CTCF: variants seen among roughly 807,000 people sequenced by gnomAD.
CTCF encodes transcriptional repressor CTCF.
CTCF carries 7 observed loss-of-function variants against 72.3 expected under a neutral mutation model. That is an observed-to-expected ratio of 0.10 (90% confidence interval 0.06 to 0.18). The LOEUF is 0.18. CTCF is among the 10% of genes least tolerant of loss of function. CTCF has a pLI of 1.00. For synonymous variants in CTCF, 374 were observed against 315.8 expected (o/e 1.18, Z -1.95); for missense variants, 516 against 949.1 (o/e 0.54, Z 6.00).
intron 2 of CTCF, among the ~76,000 whole-genome samples, chr16:67,589,792 A>G (rs1208006241): frequency 6.6e-6 from 1 of 152,112 alleles, no homozygotes; most frequent in Admixed American, 6.6e-5. Context: ...TTCTTCCATT[A>G]ACTTGAAAAA....
At chr16:67,626,327 C>T (rs1334519070) in intron 7 of CTCF, among the ~76,000 whole-genome samples, 2 of 151,682 alleles carry the variant, frequency 1.3e-5, no homozygotes, top group Non-Finnish European at 2.9e-5. Context: ...GTGGCGGGCG[C>T]CTGTAGTCCC....
At chr16:67,624,103 G>GTGTGTGTGTGTGTGTGTGTGTGTGTT (rs1567614031) in intron 7 of CTCF, among the ~76,000 whole-genome samples, 1 of 133,188 alleles carries the variant, frequency 7.5e-6, no homozygotes, top group African/African-American at 3.1e-5. Flanking sequence ...GTGTGTGTGT[G>GTGTGTGTGTGTGTGTGTGTGTGTGTT]TGTGTGTGTG....
intron 7 of CTCF, 100 bp downstream of exon 7, chr16:67,621,691 C>CAAA: frequency 2.5e-6 from 2 of 789,020 alleles, no homozygotes; most frequent in South Asian, 1.9e-5. Context: ...ACTCTCATAA[C>CAAA]ATTTTATGTA....
chr16:67,575,046 C>T (rs1017934800), intron 2 of CTCF, among the ~76,000 whole-genome samples: 2 of 152,162 alleles, frequency 1.3e-5, no homozygotes, highest in Admixed American at 1.3e-4. Flanking sequence ...TTAAGAATTA[C>T]ATTTTTTCCA....
chr16:67,634,627 C>T (rs2052406409), intron 10 of CTCF, among the ~76,000 whole-genome samples: 1 of 151,014 alleles, frequency 6.6e-6, no homozygotes, highest in African/African-American at 2.4e-5. Context: ...AAGCAGGCCT[C>T]TTGCCTCCGT....
chr16:67,569,268 C>T (rs562156574), intron 1 of CTCF, among the ~76,000 whole-genome samples: 1 of 152,116 alleles, frequency 6.6e-6, no homozygotes, highest in Non-Finnish European at 1.5e-5. Flanking sequence ...CTCATTGCAG[C>T]TCCGCCTCCT....
At chr16:67,612,238 G>T in intron 4 of CTCF, 117 bp downstream of exon 4, 1 of 874,988 alleles carries the variant, frequency 1.1e-6, no homozygotes. Context: ...TTCTTATGAT[G>T]CCCTTTTTGT....
At chr16:67,569,561 C>A (rs989779157) in intron 1 of CTCF, among the ~76,000 whole-genome samples, 1 of 152,016 alleles carries the variant, frequency 6.6e-6, no homozygotes, top group African/African-American at 2.4e-5. Flanking sequence ...CTTGACAGTT[C>A]ATTTTGTAAT....
In CTCF at chr16:67,589,556, C is replaced by T. The variant is rs376137049; in HGVS notation, c.-10+18292C>T. ...GCCAGGGTGGTAGGAAGTATGTTAA[C>T]CGTTGTTACAGTACTCATCACACTA... On this transcript the variant is annotated intron_variant, in intron 2 of 11. Coordinates refer to ENST00000264010, the MANE Select transcript of CTCF (RefSeq NM_006565.4). 2.6e-5 allele frequency among the ~76,000 whole-genome samples: 4 copies of T among 152,218 alleles called. No homozygotes were observed. In the South Asian group the frequency reaches 8.3e-4, roughly 32 times the overall value.
At chr16:67,570,257 A>G (rs998340795) in intron 1 of CTCF, among the ~76,000 whole-genome samples, 2 of 149,484 alleles carry the variant, frequency 1.3e-5, no homozygotes, top group African/African-American at 4.9e-5. Flanking sequence ...TTTTCTTTGT[A>G]TTTTTAGTAG....
intron 10 of CTCF, among the ~76,000 whole-genome samples, chr16:67,634,938 G>T (rs2052410477): frequency 6.6e-6 from 1 of 151,676 alleles, no homozygotes; most frequent in Non-Finnish European, 1.5e-5. Context: ...CCTAACCTCA[G>T]GTGATCCACC....
intron 7 of CTCF, among the ~76,000 whole-genome samples, chr16:67,624,002 C>G (rs999441656): frequency 3.4e-5 from 5 of 147,638 alleles, no homozygotes; most frequent in African/African-American, 1.3e-4. Context: ...GAGCGGAGAT[C>G]GCGCCACGGC....
intron 2 of CTCF, among the ~76,000 whole-genome samples, chr16:67,599,224 G>A (rs549885358): frequency 6.6e-6 from 1 of 152,236 alleles, no homozygotes; most frequent in South Asian, 2.1e-4. Context: ...GTGAAACCTC[G>A]TCTCTAGTAA....
intron 2 of CTCF, among the ~76,000 whole-genome samples, chr16:67,608,319 G>A (rs376675440): frequency 1.3e-4 from 18 of 143,798 alleles, no homozygotes; most frequent in South Asian, 7.7e-4. Flanking sequence ...GCGAGACTCC[G>A]TCTCAAAAAA....
In CTCF at chr16:67,617,829, A is replaced by G. The variant is rs550741729; in HGVS notation, c.1086+951A>G. 2.0e-5 allele frequency among the ~76,000 whole-genome samples: 3 copies of G among 152,302 alleles called. No homozygotes were observed. In the South Asian group the frequency reaches 6.2e-4, roughly 32 times the overall value. On this transcript the variant is annotated intron_variant, in intron 5 of 11. Transcript: ENST00000264010. ...GTTACCAAAACTGGGTCAGAAAACTACCAAAAAGAAAACTTACCCTCAGAG... is the reference window on the plus strand; with the variant it reads ...GTTACCAAAACTGGGTCAGAAAACTGCCAAAAAGAAAACTTACCCTCAGAG...
intron 2 of CTCF, among the ~76,000 whole-genome samples, chr16:67,600,374 G>A (rs2051870760): frequency 6.6e-6 from 1 of 151,908 alleles, no homozygotes. Context: ...AAGTAGCTGG[G>A]GTTACAGGCA....
At chr16:67,585,687 A>T (rs990934410) in intron 2 of CTCF, among the ~76,000 whole-genome samples, 14 of 152,162 alleles carry the variant, frequency 9.2e-5, no homozygotes, top group Admixed American at 2.0e-4. Flanking sequence ...TAATATAACA[A>T]ATCTCTGGAA....
chr16:67,584,215 G>A (rs2051629573), intron 2 of CTCF, among the ~76,000 whole-genome samples: 1 of 151,818 alleles, frequency 6.6e-6, no homozygotes, highest in African/African-American at 2.4e-5. Context: ...CCAGCTACTC[G>A]GGAGACTGAA....
In CTCF at chr16:67,616,869, C is replaced by T; in HGVS notation, c.1077C>T (p.Ala359=). ...KPFKCSMCDY[A]SVEVSKLKRH... The stretch of plus-strand genomic sequence containing the variant: ...TCAAGTGTTCCATGTGCGATTACGC[C>T]AGTGTAGAAGTGAGTGTTCAGCTTT... Residue 359 remains alanine (A), a synonymous_variant, in exon 5 of 12, where the codon GCC becomes GCT. Transcript: ENST00000264010. 6.2e-7 allele frequency: 1 copy of T among 1,614,118 alleles called. No individual in the cohort carries two copies. Among genetic ancestry groups the T allele is most frequent in the Non-Finnish European group, 8.5e-7 (1 of 1,180,016 alleles).
Sources: gnomAD v4.1 joint callset for allele counts (sites outside exome capture counted in the v4.1 genomes callset) on GRCh38, gnomAD v4.1.1 for gene constraint, MANE v1.5 for transcripts, NCBI Gene and HGNC (gene_info 2026-07-23, HGNC 2026-07-21) for gene names.